The following ZBP1 variants were observed in gnomAD, a reference collection of about 807,000 sequenced individuals.
The protein encoded by ZBP1 is Z-DNA binding protein 1.
A neutral mutation model predicts 41.1 loss-of-function variants in ZBP1; 42 were observed. That is an observed-to-expected ratio of 1.02 (90% CI 0.80 to 1.32). ZBP1 has a LOEUF of 1.32. Among genes scored for constraint, ZBP1 ranks in the 40% most tolerant of loss-of-function variants. ZBP1 has a pLI of 0.00. For missense variants in ZBP1, 562 were observed against 549.7 expected, an observed-to-expected ratio of 1.02 and a Z score of -0.22; for synonymous variants, 214 against 205.2, an observed-to-expected ratio of 1.04 and a Z score of -0.37.
chr20:57,614,371 C>A (rs2070759890), intron 4 of ZBP1, among the ~76,000 whole-genome samples: 1 of 152,128 alleles, frequency 6.6e-6, no homozygotes, highest in Admixed American at 6.5e-5. Flanking sequence ...TTCATTTCCT[C>A]TGATTTTAAA....
Position 57,620,267 on chromosome 20 carries a change from C to G in ZBP1, c.29G>C (p.Arg10Thr). ...GGAAGGAAGAAGTACTGTACCTTCT[C>G]TGCCCGGGTCAGCAGGAGCCTGGGC... is the stretch of plus-strand genomic sequence containing the variant. MAQAPADPG[R>T]EGHLEQRILQ... The change falls in exon 1 of 8, where the codon AGA becomes ACA. Residue 10 changes from arginine to threonine, a missense_variant. By Grantham distance (71) the Arg-to-Thr change is moderately conservative (BLOSUM62 -1). Transcript: ENST00000371173. 1 of 1,594,154 alleles carries G rather than the reference C, an allele frequency of 6.3e-7. No individual in the cohort carries two copies. The highest frequency in any genetic ancestry group is 2.3e-5 in the East Asian group (1 of 44,072).
chr20:57,614,750 T>G, intron 4 of ZBP1, 137 bp downstream of exon 4: 2 of 1,164,746 alleles, frequency 1.7e-6, no homozygotes, highest in Non-Finnish European at 2.4e-6. Context: ...TGGAAGCCCT[T>G]GCAGTGAATT....
At chr20:57,606,986 A>G in intron 7 of ZBP1, 1 of 1,211,152 alleles carries the variant, frequency 8.3e-7, no homozygotes, top group South Asian at 1.5e-5. Flanking sequence ...AAGAATTAAC[A>G]TTGTTTTCAT....
chr20:57,616,789 C>A, intron 1 of ZBP1: 1 of 394,196 alleles, frequency 2.5e-6, no homozygotes, highest in Non-Finnish European at 4.8e-6. Flanking sequence ...GTCCTCAGGG[C>A]AGAGGGGAGT....
intron 1 of ZBP1, 21 bp downstream of exon 1, chr20:57,620,241 T>C: frequency 6.3e-7 from 1 of 1,579,728 alleles, no homozygotes; most frequent in Non-Finnish European, 8.6e-7. Context: ...CGCTGGTCCT[T>C]GGAAGGAAGA....
chr20:57,614,489 C>A (rs1171153496), intron 4 of ZBP1, among the ~76,000 whole-genome samples: 4 of 152,166 alleles, frequency 2.6e-5, no homozygotes, highest in Non-Finnish European at 5.9e-5. Flanking sequence ...CCTGCGCTGA[C>A]CCTGGGGCTC....
At chr20:57,619,606 C>T (rs1363446474) in intron 1 of ZBP1, among the ~76,000 whole-genome samples, 1 of 152,130 alleles carries the variant, frequency 6.6e-6, no homozygotes, top group Non-Finnish European at 1.5e-5. Flanking sequence ...AAGCAAACCG[C>T]TTTGTTCTCG....
rs143738897 is a variant in ZBP1, at chr20:57,610,152, C to T, written c.1090G>A (p.Ala364Thr). 15 of 1,613,438 alleles carry T rather than the reference C, an allele frequency of 9.3e-6. No homozygotes were observed. Among genetic ancestry groups the T allele is most frequent in the African/African-American group, 2.7e-5 (2 of 75,006 alleles). ...GSGEGEPGED[A>T]GRRPADTQSR... ...TCCACTCTGCCCCCTAGCTCACCTG[C>T]GTCCTCCCCTGGCTCCCCCTCTCCA... Residue 364 changes from alanine (A) to threonine (T), a missense_variant, in exon 7 of 8, where the codon GCA (alanine) becomes ACA (threonine). By Grantham distance (58) the Ala-to-Thr change is moderately conservative (BLOSUM62 0). Transcript: ENST00000371173. This position sits in a 1 kb window ranked among gnomAD's most constrained non-coding sequence, Gnocchi z 5.5.
intron 6 of ZBP1, among the ~76,000 whole-genome samples, chr20:57,611,523 C>T (rs937893800): frequency 3.3e-5 from 5 of 151,136 alleles, no homozygotes; most frequent in Non-Finnish European, 7.4e-5. Context: ...TCCCAAAGTG[C>T]TACGATTACA....
chr20:57,614,834 ACT>A, intron 4 of ZBP1, 51 bp downstream of exon 4: 1 of 1,603,504 alleles, frequency 6.2e-7, no homozygotes, highest in East Asian at 2.2e-5. Context: ...AAGACCAAGC[ACT>A]AGTGTCATGG....
chr20:57,614,520 C>T (rs2070764420), intron 4 of ZBP1, among the ~76,000 whole-genome samples: 1 of 152,168 alleles, frequency 6.6e-6, no homozygotes, highest in Non-Finnish European at 1.5e-5. Flanking sequence ...GGGTCCAAGA[C>T]TAGTCTTGCC....
At position 57,610,350 on chromosome 20, in the gene ZBP1, C is replaced by A; in HGVS notation, c.892G>T (p.Gly298Cys). ...CTTGCTTCAAACGAAGCTTCTGGGCCGGCAGCAGTGGCAGAGACTGTGGGT... is the reference window on the plus strand; with the variant it reads ...CTTGCTTCAAACGAAGCTTCTGGGCAGGCAGCAGTGGCAGAGACTGTGGGT... ...GSPPVSATAA[G>C]PEASFEARIP... The change falls in exon 7 of 8, where the codon GGC becomes TGC. Residue 298 changes from glycine to cysteine, a missense_variant. Coordinates refer to ENST00000371173, the MANE Select transcript of ZBP1 (RefSeq NM_030776.3). The surrounding 1 kb of genome is among the most constrained non-coding windows in gnomAD (Gnocchi z 5.5). 6.2e-7 allele frequency: 1 copy of A among 1,614,116 alleles called. No homozygotes were observed. The highest frequency in any genetic ancestry group is 8.5e-7 in the Non-Finnish European group (1 of 1,180,000).
Position 57,604,679 on chromosome 20 carries a change from T to C in ZBP1, c.1184A>G (p.Lys395Arg). The C allele has an allele frequency of 1.9e-6, 3 of 1,614,152 alleles. No individual in the cohort carries two copies. The highest frequency in any genetic ancestry group is 1.6e-4 in the Middle Eastern group (1 of 6,062). Residue 395 changes from lysine to arginine, a missense_variant, in exon 8 of 8, where the codon AAG becomes AGG. By Grantham distance (26) the Lys-to-Arg change is conservative. Coordinates refer to ENST00000371173, the MANE Select transcript of ZBP1 (RefSeq NM_030776.3). Reference protein sequence around the residue: ...ITPSHSKLTPKLETMTLGNRS... With the variant: ...ITPSHSKLTPRLETMTLGNRS... ...GTTTCCAAGAGTCATAGTTTCCAGCTTGGGGGTGAGCTTCGAGTGGCTGGG... is the reference window on the plus strand; with the variant it reads ...GTTTCCAAGAGTCATAGTTTCCAGCCTGGGGGTGAGCTTCGAGTGGCTGGG...
rs1600741723 is a variant in ZBP1, at chr20:57,615,692, A to C, written c.260-112T>G. On this transcript the variant is annotated intron_variant, in intron 2 of 7. Transcript: ENST00000371173. ...GTAAGTGGCAATGCCGGTAGTTGCA[A>C]ACTCAGACTCCAGAGTTCAACACAC... 3 of 855,374 alleles carry C rather than the reference A, an allele frequency of 3.5e-6. No homozygotes were observed. In the East Asian group the frequency reaches 8.1e-5, roughly 23 times the overall value. 53.0% of individuals were successfully genotyped at this position (855,374 alleles called of 1,614,324 possible).
chr20:57,618,414 C>T (rs2070900464), intron 1 of ZBP1, among the ~76,000 whole-genome samples: 1 of 152,156 alleles, frequency 6.6e-6, no homozygotes, highest in Non-Finnish European at 1.5e-5. Flanking sequence ...TCAGTTTGTG[C>T]CTCACCCTGA....
chr20:57,614,789 AGTTTCCGGT>A, intron 4 of ZBP1, 89 bp downstream of exon 4: 1 of 1,483,362 alleles, frequency 6.7e-7, no homozygotes, highest in South Asian at 1.3e-5. Flanking sequence ...AGCTTCTAGC[AGTTTCCGGT>A]GAGCTGCTCA....
At position 57,604,006 on chromosome 20, in the gene ZBP1, T is replaced by C. The variant is rs375868412; in HGVS notation, c.*567A>G. On this transcript the variant is annotated 3_prime_UTR_variant, in exon 8 of 8. Transcript: ENST00000371173. ...CCTCAGCCTCCGGAGTAGCTGGGACTCCAGGTGCCCGCCACAACGCCCGGC... is the reference window on the plus strand; with the variant it reads ...CCTCAGCCTCCGGAGTAGCTGGGACCCCAGGTGCCCGCCACAACGCCCGGC... The C allele has an allele frequency of 1.1e-3, 209 of 197,186 alleles. 4 individuals are homozygous for C. Among genetic ancestry groups the C allele is most frequent in the Non-Finnish European group, 3.4e-4 (33 of 95,956 alleles). 12.2% of individuals were successfully genotyped at this position (197,186 alleles called of 1,614,324 possible).
At chr20:57,608,385 G>A (rs2070550004) in intron 7 of ZBP1, among the ~76,000 whole-genome samples, 1 of 152,228 alleles carries the variant, frequency 6.6e-6, no homozygotes, top group Admixed American at 6.5e-5. Flanking sequence ...GCCTCCCAAA[G>A]TGCTGGGATT....
intron 5 of ZBP1, 152 bp from the exon 6 acceptor site, chr20:57,612,082 G>T (rs2070690290): frequency 1.2e-6 from 1 of 869,196 alleles, no homozygotes; most frequent in Non-Finnish European, 1.7e-6. Flanking sequence ...AGAGCAAGAG[G>T]ACCTGGCGGA....
Sources: allele counts gnomAD v4.1 joint callset (sites outside exome capture counted in the v4.1 genomes callset), GRCh38; gene constraint gnomAD v4.1.1; non-coding constraint Gnocchi (gnomAD v3.1); transcripts MANE v1.5; gene names NCBI Gene and HGNC (gene_info 2026-07-23, HGNC 2026-07-21).